The following LRP1B variants were observed in gnomAD, a reference collection of about 807,000 sequenced individuals.
LRP1B encodes LDL receptor related protein 1B.
A neutral mutation model predicts 556.6 loss-of-function variants in LRP1B; 217 were observed. The observed-to-expected ratio is 0.39, with a 90% CI of 0.35 to 0.44. The LOEUF is 0.44. Among genes scored for constraint, LRP1B ranks in the 20% least tolerant of loss-of-function variants. The pLI is 1.00. For missense variants in LRP1B, 5,053 were observed against 5,620.8 expected, an observed-to-expected ratio of 0.90 and a Z score of 3.23; for synonymous variants, 2,047 against 1,865.8, an observed-to-expected ratio of 1.10 and a Z score of -2.50.
chr2:141,506,242 G>A (rs568755609), intron 2 of LRP1B, among the ~76,000 whole-genome samples: 18 of 152,192 alleles, frequency 1.2e-4, no homozygotes, highest in African/African-American at 2.6e-4. Flanking sequence ...ATATTGTTTC[G>A]TGAAAATGGT....
intron 77 of LRP1B, among the ~76,000 whole-genome samples, chr2:140,336,484 A>G (rs1007282987): frequency 2.0e-5 from 3 of 151,804 alleles, no homozygotes; most frequent in Non-Finnish European, 4.4e-5. Context: ...TTAGCTTGAT[A>G]GGATGCTGCT....
intron 6 of LRP1B, among the ~76,000 whole-genome samples, chr2:141,220,679 C>A (rs999196985): frequency 2.7e-5 from 4 of 150,248 alleles, no homozygotes; most frequent in Non-Finnish European, 5.9e-5. Flanking sequence ...GCCAGGTCAC[C>A]TACAAAGAGA....
Position 141,158,699 on chromosome 2 carries a change from G to A in LRP1B, c.1013+29722C>T, listed in dbSNP as rs188875080. Among the ~76,000 whole-genome samples the A allele has an allele frequency of 9.1e-4, 138 of 152,004 alleles. 1 individual carries two copies. The highest frequency in any genetic ancestry group is 1.5e-3 in the Non-Finnish European group (99 of 67,950). ...CAGCTACAGTATACATTTCCCTTTA[G>A]GCCTCTTTGCACAGTCGGAATCCTT... is the stretch of plus-strand genomic sequence containing the variant. On this transcript the variant is annotated intron_variant, in intron 7 of 90. Coordinates refer to ENST00000389484, the MANE Select transcript of LRP1B (RefSeq NM_018557.3).
chr2:141,764,792 GAAA>G (rs556030339), intron 2 of LRP1B, among the ~76,000 whole-genome samples: 1 of 151,614 alleles, frequency 6.6e-6, no homozygotes, highest in Admixed American at 6.6e-5. Context: ...GAACTTAAGT[GAAA>G]AAAAATTCAC....
intron 43 of LRP1B, among the ~76,000 whole-genome samples, chr2:140,586,431 G>GCATAA (rs1681989014): frequency 6.6e-6 from 1 of 152,166 alleles, no homozygotes; most frequent in African/African-American, 2.4e-5. Context: ...AGCCACCACA[G>GCATAA]GAAAAAGGCT....
chr2:141,368,085 A>C (rs1689108509), intron 3 of LRP1B, among the ~76,000 whole-genome samples: 1 of 152,172 alleles, frequency 6.6e-6, no homozygotes, highest in Non-Finnish European at 1.5e-5. Context: ...AGCACTTCAA[A>C]TTTTTAAAAA....
chr2:140,840,579 A>G (rs1375988917), intron 30 of LRP1B, among the ~76,000 whole-genome samples: 7 of 152,184 alleles, frequency 4.6e-5, no homozygotes, highest in Non-Finnish European at 8.8e-5. Context: ...AGTGACCATG[A>G]TACCAACATG....
intron 2 of LRP1B, among the ~76,000 whole-genome samples, chr2:141,762,989 G>A (rs1694612060): frequency 6.6e-6 from 1 of 152,178 alleles, no homozygotes; most frequent in Non-Finnish European, 1.5e-5. Context: ...TACGTGTACT[G>A]ACATCTTAGG....
In LRP1B at chr2:140,529,177, GGAA is replaced by G. The variant is rs539605181; in HGVS notation, c.7763-2830_7763-2828del. On this transcript the variant is annotated intron_variant, in intron 47 of 90. Coordinates refer to ENST00000389484, the MANE Select transcript of LRP1B (RefSeq NM_018557.3). ...AGGAATAGCAATGAGGCACTACAAAGGAAGAAGATCTGTCAGGGATTGTGGATC... is the reference window on the plus strand; with the variant it reads ...AGGAATAGCAATGAGGCACTACAAAGGAAGATCTGTCAGGGATTGTGGATC... 3.0e-4 allele frequency among the ~76,000 whole-genome samples: 46 copies of G among 152,092 alleles called. No individual in the cohort carries two copies. In the South Asian group the frequency reaches 3.1e-3, roughly 10 times the overall value.
At chr2:141,962,790 G>A (rs1374192318) in intron 1 of LRP1B, among the ~76,000 whole-genome samples, 1 of 151,756 alleles carries the variant, frequency 6.6e-6, no homozygotes, top group Non-Finnish European at 1.5e-5. Flanking sequence ...TGCTACTTGG[G>A]CATGTGAATG....
intron 37 of LRP1B, among the ~76,000 whole-genome samples, chr2:140,702,826 C>A (rs1686697186): frequency 6.6e-6 from 1 of 152,052 alleles, no homozygotes; most frequent in Non-Finnish European, 1.5e-5. Flanking sequence ...TGCTCTTCTC[C>A]AATCTGTTTG....
intron 16 of LRP1B, chr2:140,992,709 C>A (rs1697128538): frequency 6.6e-6 from 1 of 151,996 alleles, no homozygotes; most frequent in Non-Finnish European, 1.5e-5. Context: ...AGAAGTGAGA[C>A]AATTAATCAC....
At chr2:140,253,391 G>C (rs1017504206) in intron 86 of LRP1B, among the ~76,000 whole-genome samples, 1 of 151,826 alleles carries the variant, frequency 6.6e-6, no homozygotes, top group African/African-American at 2.4e-5. Context: ...TTGAAGAGGT[G>C]GCCATGAAAG....
chr2:140,375,568 GGA>G (rs1211338040), intron 68 of LRP1B, among the ~76,000 whole-genome samples: 13 of 151,942 alleles, frequency 8.6e-5, no homozygotes, highest in Non-Finnish European at 1.9e-4. Context: ...TAATAAGAGA[GGA>G]TTTTACTTAA....
intron 2 of LRP1B, among the ~76,000 whole-genome samples, chr2:141,768,487 T>C (rs1694798051): frequency 1.3e-5 from 2 of 152,124 alleles, no homozygotes; most frequent in Admixed American, 6.6e-5. Context: ...TTGTATTAGG[T>C]CATATTTTTA....
At chr2:141,712,113 A>G (rs1692383062) in intron 2 of LRP1B, among the ~76,000 whole-genome samples, 1 of 152,180 alleles carries the variant, frequency 6.6e-6, no homozygotes, top group Non-Finnish European at 1.5e-5. Flanking sequence ...AATCAAATGT[A>G]TATAAATAGT....
At chr2:140,413,604 C>T (rs1423067040) in intron 66 of LRP1B, among the ~76,000 whole-genome samples, 1 of 152,128 alleles carries the variant, frequency 6.6e-6, no homozygotes, top group African/African-American at 2.4e-5. Flanking sequence ...ATTTCATATA[C>T]CATTTTTTGA....
At chr2:140,743,988 AAAAGT>A (rs1450820644) in intron 35 of LRP1B, among the ~76,000 whole-genome samples, 6,185 of 35,736 alleles carry the variant, frequency 0.17, 2,198 homozygotes, top group South Asian at 0.35. Flanking sequence ...AAAAAAAAAA[AAAAGT>A]AAAAAGTAAA....
At chr2:141,354,069 T>A (rs1688537655) in intron 3 of LRP1B, among the ~76,000 whole-genome samples, 1 of 151,680 alleles carries the variant, frequency 6.6e-6, no homozygotes, top group Non-Finnish European at 1.5e-5. Context: ...AAAAGTGGAG[T>A]ATGGGAGAAG....
Sources: allele counts gnomAD v4.1 joint callset (sites outside exome capture counted in the v4.1 genomes callset), GRCh38; gene constraint gnomAD v4.1.1; transcripts MANE v1.5; gene names NCBI Gene and HGNC (gene_info 2026-07-23, HGNC 2026-07-21).